CFAP46: variants seen among roughly 807,000 people sequenced by gnomAD.
CFAP46 encodes cilia and flagella associated protein 46, also known as cilia- and flagella-associated protein 46.
A neutral mutation model predicts 325.7 loss-of-function variants in CFAP46; 245 were observed. The observed-to-expected ratio is 0.75, with a 90% CI of 0.68 to 0.84. The LOEUF (loss-of-function observed/expected upper bound fraction) is 0.84, where lower values mean the gene tolerates loss of function less well. Ranked by LOEUF, CFAP46 falls within the 40% of genes least tolerant of loss-of-function variation. The pLI is 0.00. For synonymous variants in CFAP46, 1,523 were observed against 1,495.9 expected (o/e 1.02, Z -0.42); for missense variants, 3,346 against 3,543.0 (o/e 0.94, Z 1.41).
intron 14 of CFAP46, 24 bp downstream of exon 14, chr10:132,920,035 C>G: frequency 6.6e-7 from 1 of 1,514,660 alleles, no homozygotes; most frequent in East Asian, 2.5e-5. Flanking sequence ...CTGTGCGTGG[C>G]GCTCTGGCCT....
At chr10:132,901,958 G>A (rs1302078455) in intron 22 of CFAP46, among the ~76,000 whole-genome samples, 1 of 152,112 alleles carries the variant, frequency 6.6e-6, no homozygotes, top group Non-Finnish European at 1.5e-5. Flanking sequence ...AGCAGCTCTT[G>A]CCCTGGTTTT....
At chr10:132,880,758 GCA>G (rs756518416) in intron 28 of CFAP46, 101 bp downstream of exon 28, 7 of 1,368,702 alleles carry the variant, frequency 5.1e-6, no homozygotes, top group Non-Finnish European at 6.9e-6. Flanking sequence ...TCCAAAGCCT[GCA>G]CAGACACATG....
chr10:132,937,787 AC>A, intron 5 of CFAP46, 112 bp from the exon 6 acceptor site: 1 of 1,418,330 alleles, frequency 7.1e-7, no homozygotes, highest in Non-Finnish European at 9.4e-7. Context: ...TTTAAAAGCT[AC>A]CCTGGGGTCA....
intron 50 of CFAP46, among the ~76,000 whole-genome samples, chr10:132,820,746 CTG>C (rs1472924449): frequency 4.7e-5 from 5 of 105,912 alleles, no homozygotes; most frequent in Non-Finnish European, 7.6e-5. Context: ...CTGATGTGTG[CTG>C]TGTGTGCTGA....
At chr10:132,938,959 G>A (rs1850056916) in intron 4 of CFAP46, among the ~76,000 whole-genome samples, 1 of 152,168 alleles carries the variant, frequency 6.6e-6, no homozygotes, top group Non-Finnish European at 1.5e-5. Flanking sequence ...ACAGCCTTGG[G>A]CGACCCTGCG....
Position 132,850,483 on chromosome 10 carries a change from C to A in CFAP46, c.5764-51G>T, listed in dbSNP as rs79068370. The A allele has an allele frequency of 3.4e-3, 4,967 of 1,481,720 alleles. 144 individuals carry two copies. In the South Asian group the frequency reaches 0.054, roughly 16 times the overall value. 91.8% of individuals were successfully genotyped at this position (1,481,720 alleles called of 1,614,324 possible). A position where few individuals can be genotyped will look rare whatever the true frequency, so the allele number is the denominator to read the frequency against. ...CTGCCACCCCAAGGGCAACCGCCCA[C>A]CCTGCCCAGGGGACCCAGTGAGCCC... is the stretch of plus-strand genomic sequence containing the variant. On this transcript the variant is annotated intron_variant, in intron 40 of 57. Transcript: ENST00000368586.
At chr10:132,904,352 C>T (rs10047361) in intron 22 of CFAP46, among the ~76,000 whole-genome samples, 114,667 of 152,102 alleles carry the variant, frequency 0.75, 43,798 homozygotes, top group African/African-American at 0.87. Context: ...CACCCACCTG[C>T]GGTTGGTGGA....
At chr10:132,836,782 C>G (rs750941183) in intron 45 of CFAP46, 35 bp downstream of exon 45, 1 of 1,575,576 alleles carries the variant, frequency 6.3e-7, no homozygotes, top group South Asian at 1.1e-5. Context: ...TCTCAGCGGG[C>G]TGGGGGCGGC....
intron 22 of CFAP46, among the ~76,000 whole-genome samples, chr10:132,907,654 C>A (rs1403706585): frequency 2.0e-5 from 3 of 152,216 alleles, no homozygotes; most frequent in African/African-American, 7.2e-5. Flanking sequence ...AAATTCCCTT[C>A]GACCTGCCAT....
rs192073121 is a variant in CFAP46, at chr10:132,860,950, G to A, written c.4923C>T (p.Cys1641=). 795 of 1,550,702 alleles carry A rather than the reference G, an allele frequency of 5.1e-4. 5 individuals are homozygous for A. In the African/African-American group the frequency reaches 9.7e-3, roughly 19 times the overall value. The change falls in exon 36 of 58, where the codon TGC becomes TGT. Residue 1641 remains cysteine (C), a synonymous_variant. Transcript: ENST00000368586. ...ELDEPCAEAQ[C]LLLLAQLANK... is the part of the protein sequence containing the mutation. ...TGGCCAACTGTGCGAGGAGGAGCAG[G>A]CACTGGGCCTCTGCACAAGGCTCAT... is the stretch of plus-strand genomic sequence containing the variant.
Position 132,817,205 on chromosome 10 carries a change from T to C in CFAP46, c.7118-2291A>G, listed in dbSNP as rs926206130. 6.6e-6 allele frequency among the ~76,000 whole-genome samples: 1 copy of C among 152,210 alleles called. No homozygotes were observed. The highest frequency in any genetic ancestry group is 1.5e-5 in the Non-Finnish European group (1 of 68,032). On this transcript the variant is annotated intron_variant, in intron 50 of 57. Coordinates refer to ENST00000368586, the MANE Select transcript of CFAP46 (RefSeq NM_001200049.3). The surrounding 1 kb of genome is among the most constrained non-coding windows in gnomAD (Gnocchi z 4.4). ...TTCATACCTCTGAGGAGGCGAACTT[T>C]CGATTCTCATGATGTCCATGTCCCT...
At chr10:132,885,464 G>A (rs139257668) in intron 26 of CFAP46, among the ~76,000 whole-genome samples, 178 bp from the exon 27 acceptor site, 1,908 of 151,962 alleles carry the variant, frequency 0.013, 40 homozygotes, top group African/African-American at 0.042. Context: ...CGGGGGCCTC[G>A]GGGCTATGCA....
intron 38 of CFAP46, among the ~76,000 whole-genome samples, chr10:132,858,448 A>G (rs374473544): frequency 0.04 from 988 of 24,590 alleles, 14 homozygotes; most frequent in African/African-American, 0.11. Flanking sequence ...GCTGGGGGCG[A>G]CCCCAGGTTT....
chr10:132,886,639 C>T lies in CFAP46; in HGVS notation c.3305-680G>A, dbSNP rs1015767052. Among the ~76,000 whole-genome samples the T allele has an allele frequency of 6.6e-6, 1 of 152,152 alleles. No individual in the cohort carries two copies. The highest frequency in any genetic ancestry group is 2.4e-5 in the African/African-American group (1 of 41,420). Reference sequence around the variant, plus strand: ...ATGAACTTGAAGGGCCCTGAAGAGACGGGGTGAACACAGGGCCGCATCCCT... The same window carrying T: ...ATGAACTTGAAGGGCCCTGAAGAGATGGGGTGAACACAGGGCCGCATCCCT... On this transcript the variant is annotated intron_variant, in intron 25 of 57. Transcript: ENST00000368586. The surrounding 1 kb of genome is among the most constrained non-coding windows in gnomAD (Gnocchi z 5.8).
intron 29 of CFAP46, among the ~76,000 whole-genome samples, chr10:132,878,676 G>A (rs1848992880): frequency 6.6e-6 from 1 of 152,204 alleles, no homozygotes; most frequent in South Asian, 2.1e-4. Context: ...GTCTGGCAGT[G>A]GTTGAGGCTG....
rs1225264197 is a variant in CFAP46, at chr10:132,842,803, G to A, written c.6438+3254C>T. On this transcript the variant is annotated intron_variant, in intron 44 of 57. Transcript: ENST00000368586. The stretch of plus-strand genomic sequence containing the variant: ...GCAGAGTCCTGAGGTGGCCCAGAAT[G>A]ACACACGGTGAGGGGGCTGTGTTAG... Among the ~76,000 whole-genome samples, 6 of 152,290 alleles carry A rather than the reference G, an allele frequency of 3.9e-5. No homozygotes were observed. In the East Asian group the frequency reaches 1.2e-3, roughly 29 times the overall value.
At chr10:132,917,122 G>C (rs10870205) in intron 16 of CFAP46, among the ~76,000 whole-genome samples, 27,511 of 152,280 alleles carry the variant, frequency 0.18, 3,486 homozygotes, top group African/African-American at 0.36. Flanking sequence ...GTTCTGCCAT[G>C]TGGCCTCCGG....
intron 57 of CFAP46, among the ~76,000 whole-genome samples, chr10:132,809,931 C>T (rs553922618): frequency 5.3e-5 from 8 of 152,318 alleles, no homozygotes; most frequent in East Asian, 1.9e-4. Flanking sequence ...ATTCCTCTTC[C>T]GGGAGGCCTC....
chr10:132,887,208 TC>T (rs1849151651), intron 25 of CFAP46, among the ~76,000 whole-genome samples: 1 of 72,906 alleles, frequency 1.4e-5, no homozygotes, highest in African/African-American at 8.7e-5. Context: ...TCCTCTTCTT[TC>T]CTCTCCCCTC....
Sources: allele counts gnomAD v4.1 joint callset (sites outside exome capture counted in the v4.1 genomes callset), GRCh38; gene constraint gnomAD v4.1.1; non-coding constraint Gnocchi (gnomAD v3.1); transcripts MANE v1.5; gene names NCBI Gene and HGNC (gene_info 2026-07-23, HGNC 2026-07-21).